The following TBC1D15 variants were observed in gnomAD, a reference collection of about 807,000 sequenced individuals.
TBC1D15 encodes GAP for RAB7.
Under a neutral mutation model 95.4 loss-of-function variants are expected in TBC1D15, and 39 were observed. The ratio of observed to expected loss-of-function variants is 0.41; its 90% confidence interval spans 0.32 to 0.53. The LOEUF (loss-of-function observed/expected upper bound fraction) is 0.53. TBC1D15 is among the 20% of genes least tolerant of loss of function. The pLI, the probability that TBC1D15 is intolerant of heterozygous loss-of-function variation, is 0.29. For synonymous variants in TBC1D15, 258 were observed against 261.3 expected (o/e 0.99, Z 0.12); for missense variants, 733 against 794.3 (o/e 0.92, Z 0.93).
intron 1 of TBC1D15, chr12:71,868,800 T>C (rs1892044817): frequency 6.6e-6 from 1 of 152,182 alleles, no homozygotes; most frequent in South Asian, 2.1e-4. Flanking sequence ...GATTGCATTG[T>C]TAATGATAGC....
intron 1 of TBC1D15, among the ~76,000 whole-genome samples, chr12:71,865,586 GGA>G (rs968452513): frequency 6.6e-6 from 1 of 152,148 alleles, no homozygotes; most frequent in African/African-American, 2.4e-5. Flanking sequence ...TTGGGCCCCA[GGA>G]GAGGGGGTAG....
At chr12:71,890,331 A>G (rs935471637) in intron 5 of TBC1D15, among the ~76,000 whole-genome samples, 11 of 152,224 alleles carry the variant, frequency 7.2e-5, no homozygotes, top group African/African-American at 2.7e-4. Context: ...TAGAGACCAC[A>G]AAGAAGAGTA....
At chr12:71,862,358 T>C (rs933496213) in intron 1 of TBC1D15, among the ~76,000 whole-genome samples, 5 of 152,166 alleles carry the variant, frequency 3.3e-5, no homozygotes, top group African/African-American at 1.2e-4. Context: ...CTGGGTGCTT[T>C]GGTGTTGAGT....
chr12:71,876,001 A>G (rs1439951589), intron 3 of TBC1D15, among the ~76,000 whole-genome samples: 2 of 151,958 alleles, frequency 1.3e-5, no homozygotes, highest in African/African-American at 2.4e-5. Context: ...GGGTTTCACC[A>G]TATTGCTGGT....
chr12:71,865,217 G>T (rs768906811), intron 1 of TBC1D15, among the ~76,000 whole-genome samples: 1 of 152,210 alleles, frequency 6.6e-6, no homozygotes, highest in Non-Finnish European at 1.5e-5. Context: ...TGCTCTGGCT[G>T]TGTTGGATGT....
intron 1 of TBC1D15, among the ~76,000 whole-genome samples, chr12:71,859,720 G>T (rs1324697291): frequency 6.6e-6 from 1 of 151,930 alleles, no homozygotes; most frequent in African/African-American, 2.4e-5. Flanking sequence ...CGATTCTTCT[G>T]CCTCAGCCTC....
At chr12:71,843,749 C>T (rs1002812788) in intron 1 of TBC1D15, among the ~76,000 whole-genome samples, 2 of 152,034 alleles carry the variant, frequency 1.3e-5, no homozygotes, top group African/African-American at 4.8e-5. Context: ...TGTATCTCCT[C>T]CAACTCTTAA....
chr12:71,861,356 A>C (rs1218235621), intron 1 of TBC1D15: 1 of 1,004,244 alleles, frequency 1.0e-6, no homozygotes, highest in Non-Finnish European at 1.3e-6. Flanking sequence ...TTAATGGGAG[A>C]CTTTTCATTA....
chr12:71,847,947 A>G (rs1357314858), intron 1 of TBC1D15, among the ~76,000 whole-genome samples: 1 of 151,334 alleles, frequency 6.6e-6, no homozygotes, highest in African/African-American at 2.4e-5. Context: ...AAAATACAAA[A>G]CTAGCTGGGC....
chr12:71,891,773 A>G (rs1422637386), intron 5 of TBC1D15, among the ~76,000 whole-genome samples: 3 of 152,070 alleles, frequency 2.0e-5, no homozygotes, highest in African/African-American at 7.2e-5. Flanking sequence ...TAAGGCAGTC[A>G]TTTCATCTTC....
At chr12:71,852,560 G>C (rs1888092005) in intron 1 of TBC1D15, among the ~76,000 whole-genome samples, 1 of 152,158 alleles carries the variant, frequency 6.6e-6, no homozygotes, top group South Asian at 2.1e-4. Context: ...TCCAGTTTCA[G>C]GTCATTTCTT....
chr12:71,852,737 C>T (rs1273133514), intron 1 of TBC1D15, among the ~76,000 whole-genome samples: 1 of 152,190 alleles, frequency 6.6e-6, no homozygotes, highest in African/African-American at 2.4e-5. Context: ...TTTGCTAAGA[C>T]ATAGCAAAAG....
chr12:71,893,214 T>C lies in TBC1D15; in HGVS notation c.555-8T>C. 2 of 1,569,572 alleles carry C rather than the reference T, an allele frequency of 1.3e-6. No homozygotes were observed. The highest frequency in any genetic ancestry group is 2.3e-5 in the South Asian group (2 of 86,418). On this transcript the variant is annotated splice_region_variant and splice_polypyrimidine_tract_variant and intron_variant, in intron 5 of 16. Coordinates refer to ENST00000485960, the MANE Select transcript of TBC1D15 (RefSeq NM_001146213.3). ...AGTATTTTCTACAAATCCTCTTTTT[T>C]ATTATAGATCTCCACAGGATAAAAG... is the stretch of plus-strand genomic sequence containing the variant.
intron 6 of TBC1D15, among the ~76,000 whole-genome samples, chr12:71,893,775 A>T (rs1897646677): frequency 6.6e-6 from 1 of 151,960 alleles, no homozygotes; most frequent in Non-Finnish European, 1.5e-5. Flanking sequence ...TTTGGCTAAA[A>T]ATGTGCACTT....
chr12:71,865,569 C>A lies in TBC1D15; in HGVS notation c.31-6501C>A, dbSNP rs1303352790. Among the ~76,000 whole-genome samples, 3 of 152,114 alleles carry A rather than the reference C, an allele frequency of 2.0e-5. No homozygotes were observed. In the East Asian group the frequency reaches 5.8e-4, roughly 29 times the overall value. ...AGTACCTCAGAATGGCAGAACACAGCTGTGGTTTGGGCCCCAGGAGAGGGG... is the reference window on the plus strand; with the variant it reads ...AGTACCTCAGAATGGCAGAACACAGATGTGGTTTGGGCCCCAGGAGAGGGG... On this transcript the variant is annotated intron_variant, in intron 1 of 16. Transcript: ENST00000485960.
chr12:71,858,592 T>C (rs1414143755), intron 1 of TBC1D15, among the ~76,000 whole-genome samples: 1 of 151,186 alleles, frequency 6.6e-6, no homozygotes, highest in Non-Finnish European at 1.5e-5. Context: ...GTCTCTTTGT[T>C]GCTCAGGCTG....
chr12:71,839,853 A>G, intron 1 of TBC1D15, 42 bp downstream of exon 1: 1 of 1,613,588 alleles, frequency 6.2e-7, no homozygotes, highest in Non-Finnish European at 8.5e-7. Flanking sequence ...TTTCTCTGGG[A>G]CGGGGATGCT....
intron 10 of TBC1D15, among the ~76,000 whole-genome samples, chr12:71,902,658 A>G (rs1200845482): frequency 6.6e-6 from 1 of 152,216 alleles, no homozygotes; most frequent in African/African-American, 2.4e-5. Flanking sequence ...CATTGAGGAT[A>G]TCGACCCAGG....
intron 11 of TBC1D15, among the ~76,000 whole-genome samples, chr12:71,911,775 T>A (rs555771603): frequency 2.8e-5 from 4 of 141,114 alleles, no homozygotes; most frequent in East Asian, 4.1e-4. Context: ...AAGTATAATT[T>A]AAAAAAACTG....
Sources: gnomAD v4.1 joint callset for allele counts (sites outside exome capture counted in the v4.1 genomes callset) on GRCh38, gnomAD v4.1.1 for gene constraint, MANE v1.5 for transcripts, NCBI Gene and HGNC (gene_info 2026-07-23, HGNC 2026-07-21) for gene names.